Variants in SNX14 observed in about 807,000 individuals in gnomAD.
SNX14 encodes sorting nexin 14, also known as sorting nexin-14.
A neutral mutation model predicts 133.8 loss-of-function variants in SNX14; 93 were observed. That is an observed-to-expected ratio of 0.70 (90% CI 0.59 to 0.83). The LOEUF (loss-of-function observed/expected upper bound fraction) is 0.83. Among genes scored for constraint, SNX14 ranks in the 40% least tolerant of loss-of-function variants. SNX14 has a pLI of 0.00. For synonymous variants in SNX14, 368 were observed against 365.6 expected (o/e 1.01, Z -0.07); for missense variants, 945 against 1,094.9 (o/e 0.86, Z 1.93).
intron 26 of SNX14, among the ~76,000 whole-genome samples, chr6:85,512,810 T>C (rs1381066791): frequency 1.3e-5 from 2 of 152,108 alleles, no homozygotes; most frequent in African/African-American, 4.8e-5. Flanking sequence ...GCTATGATTC[T>C]CTCCAACCTT....
chr6:85,588,448 G>A (rs997604922), intron 1 of SNX14, among the ~76,000 whole-genome samples: 2 of 151,794 alleles, frequency 1.3e-5, no homozygotes, highest in South Asian at 4.2e-4. Flanking sequence ...GCGGTGGCGG[G>A]CGCCTGTAGT....
chr6:85,547,712 T>A (rs1786180480), intron 9 of SNX14, among the ~76,000 whole-genome samples, 162 bp from the exon 10 acceptor site: 1 of 152,230 alleles, frequency 6.6e-6, no homozygotes, highest in Non-Finnish European at 1.5e-5. Context: ...GGAGTTTTTT[T>A]ACATCTACAA....
intron 1 of SNX14, among the ~76,000 whole-genome samples, chr6:85,588,225 G>A (rs1801598962): frequency 6.6e-6 from 1 of 152,170 alleles, no homozygotes; most frequent in African/African-American, 2.4e-5. Flanking sequence ...GGAGGTTGCA[G>A]TGAGCCAAGA....
chr6:85,530,715 T>C (rs1780018568), intron 18 of SNX14, among the ~76,000 whole-genome samples: 1 of 152,088 alleles, frequency 6.6e-6, no homozygotes, highest in African/African-American at 2.4e-5. Context: ...TTGTAATTTG[T>C]TATTTTTGGC....
At chr6:85,547,072 T>C (rs370989594) in intron 12 of SNX14, 40 bp downstream of exon 12, 63 of 1,447,754 alleles carry the variant, frequency 4.4e-5, no homozygotes, top group Non-Finnish European at 5.9e-5. Flanking sequence ...CATTAAAAGG[T>C]TTAAAAATTA....
Position 85,583,558 on chromosome 6 carries a change from A to G in SNX14, c.141-9180T>C, listed in dbSNP as rs548570121. ...TGATAAGCAACTTCAGCAAAGTCTC[A>G]GGATACAAAATCAATGGCAAAAATC... On this transcript the variant is annotated intron_variant, in intron 1 of 28. Coordinates refer to ENST00000314673, the MANE Select transcript of SNX14 (RefSeq NM_153816.6). 4.6e-5 allele frequency among the ~76,000 whole-genome samples: 7 copies of G among 152,372 alleles called. No individual in the cohort carries two copies. In the South Asian group the frequency reaches 1.4e-3, roughly 32 times the overall value.
chr6:85,587,115 A>C (rs1464627767), intron 1 of SNX14, among the ~76,000 whole-genome samples: 1 of 152,160 alleles, frequency 6.6e-6, no homozygotes. Flanking sequence ...CCTGGCCTCA[A>C]GTGATCCTCC....
At chr6:85,548,952 G>A (rs1015439604) in intron 8 of SNX14, among the ~76,000 whole-genome samples, 1 of 144,236 alleles carries the variant, frequency 6.9e-6, no homozygotes, top group Admixed American at 7.2e-5. Flanking sequence ...GGGCAACAGA[G>A]CAAGACTCTG....
chr6:85,562,582 C>T (rs1372973629), intron 6 of SNX14, among the ~76,000 whole-genome samples: 102 of 94,742 alleles, frequency 1.1e-3, no homozygotes, highest in Middle Eastern at 8.6e-3. Flanking sequence ...ACTTTTTGGG[C>T]TTTTTTTTTT....
chr6:85,548,547 A>T (rs1390093243), intron 8 of SNX14, among the ~76,000 whole-genome samples, 171 bp from the exon 9 acceptor site: 1 of 152,222 alleles, frequency 6.6e-6, no homozygotes. Context: ...ACCAATGTTC[A>T]TGCTACTGGT....
At chr6:85,549,087 ATAAAC>A (rs1786854152) in intron 8 of SNX14, among the ~76,000 whole-genome samples, 1 of 152,088 alleles carries the variant, frequency 6.6e-6, no homozygotes, top group Non-Finnish European at 1.5e-5. Flanking sequence ...ATTTACTATT[ATAAAC>A]TAGTCTAGTA....
chr6:85,592,603 G>A lies in SNX14; in HGVS notation c.140+976C>T, dbSNP rs151123951. Among the ~76,000 whole-genome samples the A allele has an allele frequency of 2.7e-3, 413 of 152,322 alleles. 3 individuals are homozygous for A. Among genetic ancestry groups the A allele is most frequent in the African/African-American group, 9.4e-3 (390 of 41,574 alleles). ...GTTTATTTCGGGGGCAGAATCTTCTGATTTCAAAATGTCAATTGAATTTAT... is the reference window on the plus strand; with the variant it reads ...GTTTATTTCGGGGGCAGAATCTTCTAATTTCAAAATGTCAATTGAATTTAT... On this transcript the variant is annotated intron_variant, in intron 1 of 28. Transcript: ENST00000314673.
At chr6:85,546,965 C>CAAAA (rs375373506) in intron 12 of SNX14, 147 bp downstream of exon 12, 26 of 392,770 alleles carry the variant, frequency 6.6e-5, no homozygotes, top group Admixed American at 1.1e-4. Context: ...CCGCCTCAAA[C>CAAAA]AAAAAAAAAA....
intron 6 of SNX14, among the ~76,000 whole-genome samples, chr6:85,559,910 A>C (rs1322381611): frequency 6.6e-6 from 1 of 152,218 alleles, no homozygotes; most frequent in Admixed American, 6.5e-5. Context: ...TATTGGCATC[A>C]GGGATATGCA....
intron 20 of SNX14, among the ~76,000 whole-genome samples, chr6:85,527,795 A>G (rs1041560804): frequency 5.3e-5 from 8 of 152,138 alleles, no homozygotes; most frequent in African/African-American, 1.9e-4. Flanking sequence ...TGATCCCAGG[A>G]AATTGGAAAA....
At chr6:85,507,129 C>G (rs953415025) in intron 28 of SNX14, 104 bp downstream of exon 28, 4 of 1,054,428 alleles carry the variant, frequency 3.8e-6, no homozygotes. Context: ...TAAAGAACCA[C>G]AGAGAACAGA....
chr6:85,518,194 G>A, intron 21 of SNX14, 146 bp from the exon 22 acceptor site: 2 of 609,896 alleles, frequency 3.3e-6, no homozygotes, highest in Admixed American at 3.3e-5. Flanking sequence ...CACACTCCAT[G>A]GAAATTTTCA....
At chr6:85,519,826 G>A (rs1162512280) in intron 21 of SNX14, among the ~76,000 whole-genome samples, 2 of 152,066 alleles carry the variant, frequency 1.3e-5, no homozygotes, top group Non-Finnish European at 2.9e-5. Context: ...CTGAGATCGT[G>A]CCACTGAACT....
chr6:85,515,523 G>C (rs1042377549), intron 23 of SNX14, among the ~76,000 whole-genome samples: 3 of 151,964 alleles, frequency 2.0e-5, no homozygotes, highest in Non-Finnish European at 4.4e-5. Flanking sequence ...GAGGGGAGGG[G>C]AGAGGGAAGA....
Sources: gnomAD v4.1 joint callset for allele counts (sites outside exome capture counted in the v4.1 genomes callset) on GRCh38, gnomAD v4.1.1 for gene constraint, MANE v1.5 for transcripts, NCBI Gene and HGNC (gene_info 2026-07-23, HGNC 2026-07-21) for gene names.